KLHL13: variants seen among roughly 807,000 people sequenced by gnomAD.
KLHL13 encodes the protein kelch-like protein 13.
A neutral mutation model predicts 37.1 loss-of-function variants in KLHL13; 10 were observed. The ratio of observed to expected loss-of-function variants is 0.27; its 90% CI spans 0.17 to 0.46. KLHL13 has a LOEUF of 0.46. Ranked by LOEUF, KLHL13 falls within the 20% of genes least tolerant of loss-of-function variation. KLHL13 has a pLI of 1.00. For synonymous variants in KLHL13, 163 were observed against 181.2 expected (o/e 0.90, Z 0.81); for missense variants, 360 against 509.3 (o/e 0.71, Z 2.82).
At chrX:117,903,138 A>C (rs1319895848) in intron 5 of KLHL13, among the ~76,000 whole-genome samples, 1 of 96,056 alleles carries the variant, frequency 1.0e-5, no homozygotes, top group Non-Finnish European at 2.1e-5. Flanking sequence ...CAGGCAAAAC[A>C]CACACACACA....
At chrX:117,939,418 A>G (rs927841210) in intron 2 of KLHL13, among the ~76,000 whole-genome samples, 4 of 112,284 alleles carry the variant, frequency 3.6e-5, no homozygotes, top group African/African-American at 1.3e-4. Flanking sequence ...ATGTGTCTTA[A>G]CAGTAGAATG....
At chrX:117,996,425 T>C (rs2053854267) in intron 1 of KLHL13, among the ~76,000 whole-genome samples, 1 of 111,806 alleles carries the variant, frequency 8.9e-6, no homozygotes, top group Non-Finnish European at 1.9e-5. Context: ...TTTTTATCCA[T>C]TGATCCATAC....
chrX:118,042,103 G>A (rs2148057507), intron 1 of KLHL13, among the ~76,000 whole-genome samples: 1 of 111,762 alleles, frequency 8.9e-6, no homozygotes, highest in East Asian at 2.8e-4. Flanking sequence ...AAACTATAAA[G>A]AGACAAAATG....
chrX:118,087,307 A>G (rs1283032478), intron 1 of KLHL13, among the ~76,000 whole-genome samples: 3 of 110,316 alleles, frequency 2.7e-5, no homozygotes, highest in African/African-American at 9.9e-5. Flanking sequence ...CCGTACTTCA[A>G]TAGCTTTATC....
At chrX:117,981,834 T>C (rs1291440570) in intron 1 of KLHL13, among the ~76,000 whole-genome samples, 1 of 111,522 alleles carries the variant, frequency 9.0e-6, no homozygotes, top group East Asian at 2.8e-4. Context: ...ATGGATACTC[T>C]AAACAGGGAA....
At chrX:117,976,354 A>G (rs1451872606), upstream of KLHL13, among the ~76,000 whole-genome samples, 1 of 112,002 alleles carries the variant, frequency 8.9e-6, no homozygotes, top group Admixed American at 9.5e-5. Context: ...CTATTAATTC[A>G]CTTAACAACA....
At position 118,054,110 on chromosome X, in the gene KLHL13, G is replaced by C. The variant is rs1302857145; in HGVS notation, c.-56+62398C>G. Among the ~76,000 whole-genome samples, 4 of 111,234 alleles carry C rather than the reference G, an allele frequency of 3.6e-5. No homozygotes were observed. In the East Asian group the frequency reaches 1.1e-3, roughly 31 times the overall value. Reference sequence around the variant, plus strand: ...GAGCATTTTATAGGGAAAACTAAGTGGCTTCATGTATTAAAGCTTTCAATT... The same window carrying C: ...GAGCATTTTATAGGGAAAACTAAGTCGCTTCATGTATTAAAGCTTTCAATT... On this transcript the variant is annotated intron_variant, in intron 1 of 6. Coordinates refer to the KLHL13 transcript ENST00000371882.
At chrX:117,903,228 AATTTC>A (rs1250951976) in intron 5 of KLHL13, among the ~76,000 whole-genome samples, 5 of 108,627 alleles carry the variant, frequency 4.6e-5, no homozygotes, top group Admixed American at 9.8e-5. Context: ...TCTATTCAAT[AATTTC>A]ATTTCATCAT....
intron 1 of KLHL13, among the ~76,000 whole-genome samples, chrX:117,952,500 A>G (rs1196780992): frequency 1.9e-5 from 2 of 107,132 alleles, no homozygotes; most frequent in African/African-American, 6.8e-5. Flanking sequence ...ATGGGCAAGG[A>G]CTTCATGTCT....
intron 1 of KLHL13, among the ~76,000 whole-genome samples, chrX:118,005,005 T>C (rs1320986826): frequency 3.6e-5 from 4 of 112,345 alleles, no homozygotes; most frequent in African/African-American, 1.3e-4. Context: ...ACTGAGAAAG[T>C]GTTCCAGATA....
rs192906229 is a variant in KLHL13, at chrX:117,962,136, G to A, written c.98+10595C>T. ...TGAGGCAGGAGGATCACTTGAGTCC[G>A]GTGGTCGAGGCTGCAGGGAGCCATG... On this transcript the variant is annotated intron_variant, in intron 1 of 6. Coordinates refer to ENST00000262820, the Ensembl canonical transcript of KLHL13. Among the ~76,000 whole-genome samples the A allele has an allele frequency of 4.3e-4, 46 of 106,777 alleles. No individual in the cohort carries two copies. In the East Asian group the frequency reaches 9.1e-3, roughly 21 times the overall value. The allele number at this position is 106,777 out of a possible 115,157, so 92.7% of individuals were successfully genotyped here.
intron 1 of KLHL13, among the ~76,000 whole-genome samples, chrX:117,995,789 T>C (rs1002341496): frequency 1.4e-4 from 16 of 111,688 alleles, no homozygotes; most frequent in African/African-American, 5.2e-4. Context: ...ACTAACATAA[T>C]ATTTTGGAGG....
chrX:117,929,755 A>AAT (rs1368510242), intron 2 of KLHL13, among the ~76,000 whole-genome samples: 3 of 95,670 alleles, frequency 3.1e-5, no homozygotes, highest in Admixed American at 2.2e-4. Context: ...TAGCCTGGGC[A>AAT]ATATAGTGAG....
intron 1 of KLHL13, among the ~76,000 whole-genome samples, chrX:117,957,751 T>C (rs1192635158): frequency 9.0e-6 from 1 of 111,674 alleles, no homozygotes. Context: ...CTTTTTCTCC[T>C]AGTCAGTGAT....
intron 1 of KLHL13, among the ~76,000 whole-genome samples, chrX:118,065,251 T>C (rs2054782524): frequency 8.9e-6 from 1 of 111,888 alleles, no homozygotes; most frequent in Non-Finnish European, 1.9e-5. Flanking sequence ...TAATATACAA[T>C]GAACTTTTTA....
intron 6 of KLHL13, among the ~76,000 whole-genome samples, chrX:117,900,672 A>C (rs761658341): frequency 2.7e-5 from 3 of 111,734 alleles, no homozygotes; most frequent in Non-Finnish European, 5.6e-5. Context: ...AAAATTTCAT[A>C]AGGCAGTGGT....
At chrX:118,083,702 A>G (rs746873674) in intron 1 of KLHL13, among the ~76,000 whole-genome samples, 30 of 111,407 alleles carry the variant, frequency 2.7e-4, no homozygotes, top group African/African-American at 9.1e-4. Flanking sequence ...GTATTTTAAA[A>G]TAGAAGAGAG....
At chrX:118,048,936 C>A (rs911534807) in intron 1 of KLHL13, among the ~76,000 whole-genome samples, 2 of 111,873 alleles carry the variant, frequency 1.8e-5, no homozygotes. Context: ...TGCATAAGTT[C>A]AAGCAATTTT....
intron 1 of KLHL13, among the ~76,000 whole-genome samples, chrX:118,095,302 A>T (rs768342143): frequency 0.031 from 3,451 of 110,238 alleles, 175 homozygotes; most frequent in African/African-American, 0.11. Flanking sequence ...GAAGGCCATT[A>T]CATAATGGTA....
Sources: allele counts gnomAD v4.1 joint callset (sites outside exome capture counted in the v4.1 genomes callset), GRCh38; gene constraint gnomAD v4.1.1; transcripts MANE v1.5; gene names NCBI Gene and HGNC (gene_info 2026-07-23, HGNC 2026-07-21).